KLF3: variants seen among roughly 807,000 people sequenced by gnomAD.
KLF3 encodes the protein Krueppel-like factor 3.
Under a neutral mutation model 32.7 loss-of-function variants are expected in KLF3, and 6 were observed. The ratio of observed to expected loss-of-function variants is 0.18; its 90% confidence interval spans 0.10 to 0.36. KLF3 has a LOEUF of 0.36. Among genes scored for constraint, KLF3 ranks in the 10% least tolerant of loss-of-function variants. KLF3 has a pLI of 1.00. For synonymous variants in KLF3, 145 were observed against 172.8 expected (o/e 0.84, Z 1.26); for missense variants, 338 against 449.7 (o/e 0.75, Z 2.25).
chr4:38,693,583 C>G (rs1240129637), intron 4 of KLF3, among the ~76,000 whole-genome samples: 2 of 151,516 alleles, frequency 1.3e-5, no homozygotes, highest in Non-Finnish European at 2.9e-5. Context: ...TCTTTTTTTC[C>G]TTTTCACACA....
At chr4:38,693,718 C>T (rs1347296150) in intron 4 of KLF3, among the ~76,000 whole-genome samples, 1 of 152,150 alleles carries the variant, frequency 6.6e-6, no homozygotes, top group Non-Finnish European at 1.5e-5. Flanking sequence ...ATGACATACA[C>T]TTGTGATATA....
At position 38,700,392 on chromosome 4, in the gene KLF3, T is replaced by C. The variant is rs751910731; in HGVS notation, c.*3129T>C. 1.3e-5 allele frequency: 2 copies of C among 152,236 alleles called. No individual in the cohort carries two copies. Among genetic ancestry groups the C allele is most frequent in the Non-Finnish European group, 2.9e-5 (2 of 68,028 alleles). The allele number at this position is 152,236 out of a possible 1,614,324, so 9.4% of individuals were successfully genotyped here. A position where few individuals can be genotyped will look rare whatever the true frequency, so the allele number is the denominator to read the frequency against. Reference sequence around the variant, plus strand: ...TGATTAGATTGTTGTAAAGACAATCTGAAAGATCTAAGGTTTTAAAATAAT... The same window carrying C: ...TGATTAGATTGTTGTAAAGACAATCCGAAAGATCTAAGGTTTTAAAATAAT... On this transcript the variant is annotated 3_prime_UTR_variant, in exon 6 of 6. Coordinates refer to ENST00000261438, the MANE Select transcript of KLF3 (RefSeq NM_016531.6).
At chr4:38,692,176 T>C (rs1339990131) in intron 4 of KLF3, among the ~76,000 whole-genome samples, 1 of 152,234 alleles carries the variant, frequency 6.6e-6, no homozygotes, top group Non-Finnish European at 1.5e-5. Context: ...AGGGGCTGTC[T>C]CAGCTCAAAA....
In KLF3 at chr4:38,701,016, T is replaced by C. The variant is rs946577966; in HGVS notation, c.*3753T>C. ...CAGTATGCAATATATATTATATACT[T>C]GTTAATAAAACCATCAGAATATTAA... On this transcript the variant is annotated 3_prime_UTR_variant, in exon 6 of 6. Coordinates refer to ENST00000261438, the MANE Select transcript of KLF3 (RefSeq NM_016531.6). 5 of 152,204 alleles carry C rather than the reference T, an allele frequency of 3.3e-5. No homozygotes were observed. Among genetic ancestry groups the C allele is most frequent in the Admixed American group, 2.6e-4 (4 of 15,280 alleles). The allele number at this position is 152,204 out of a possible 1,614,324, so 9.4% of individuals were successfully genotyped here.
Position 38,694,730 on chromosome 4 carries a change from A to T in KLF3, c.696-16A>T. On this transcript the variant is annotated splice_polypyrimidine_tract_variant and intron_variant, in intron 4 of 5. Transcript: ENST00000261438. ...GCGTGCTCTCAACATTTGGCCTGTA[A>T]CCTTGGCTTTCACAGGAATCACCCT... 1 of 1,545,786 alleles carries T rather than the reference A, an allele frequency of 6.5e-7. No individual in the cohort carries two copies. The highest frequency in any genetic ancestry group is 8.7e-7 in the Non-Finnish European group (1 of 1,154,894).
chr4:38,687,184 C>T (rs1722729104), intron 2 of KLF3, among the ~76,000 whole-genome samples: 1 of 152,210 alleles, frequency 6.6e-6, no homozygotes, highest in African/African-American at 2.4e-5. Flanking sequence ...GGAAGAGAAG[C>T]ACAATATGTT....
chr4:38,690,942 T>C (rs767662017), intron 4 of KLF3, among the ~76,000 whole-genome samples: 4 of 152,108 alleles, frequency 2.6e-5, no homozygotes, highest in Non-Finnish European at 4.4e-5. Context: ...CTGCACCCAA[T>C]CATAGTCATT....
intron 2 of KLF3, among the ~76,000 whole-genome samples, chr4:38,681,314 ATTAAG>A (rs1722519199): frequency 6.6e-6 from 1 of 152,206 alleles, no homozygotes; most frequent in African/African-American, 2.4e-5. Context: ...GTAAAAATAT[ATTAAG>A]AATAGGATGA....
rs575466778 is a variant in KLF3, at chr4:38,688,106, A to C, written c.58-479A>C. ...TTGAAGACACTACTTATCCTGAGAA[A>C]GAGCTGTCCTGCCGAAGTTAGACAT... On this transcript the variant is annotated intron_variant, in intron 2 of 5. Coordinates refer to ENST00000261438, the MANE Select transcript of KLF3 (RefSeq NM_016531.6). This position sits in a 1 kb window ranked among gnomAD's most constrained non-coding sequence, Gnocchi z 4.9. Among the ~76,000 whole-genome samples the C allele has an allele frequency of 6.6e-6, 1 of 152,366 alleles. No individual in the cohort carries two copies. Among genetic ancestry groups the C allele is most frequent in the East Asian group, 1.9e-4 (1 of 5,192 alleles).
Position 38,698,759 on chromosome 4 carries a change from A to G in KLF3, c.*1496A>G, listed in dbSNP as rs1723121360. 3.3e-5 allele frequency: 5 copies of G among 152,224 alleles called. No homozygotes were observed. The allele number at this position is 152,224 out of a possible 1,614,324, so 9.4% of individuals were successfully genotyped here. The stretch of plus-strand genomic sequence containing the variant: ...TGAGCACCATAGTCTAAATGCCAAT[A>G]AAAATAATTCATACATAGAAATGTC... On this transcript the variant is annotated 3_prime_UTR_variant, in exon 6 of 6. Coordinates refer to ENST00000261438, the MANE Select transcript of KLF3 (RefSeq NM_016531.6).
rs1456751882 is a variant in KLF3, at chr4:38,681,810, A to G, written c.57+1128A>G. Among the ~76,000 whole-genome samples the G allele has an allele frequency of 2.0e-5, 3 of 152,182 alleles. No homozygotes were observed. In the East Asian group the frequency reaches 5.8e-4, roughly 29 times the overall value. On this transcript the variant is annotated intron_variant, in intron 2 of 5. Coordinates refer to ENST00000261438, the MANE Select transcript of KLF3 (RefSeq NM_016531.6). ...GGTAATGACACGCTTGCAAAATTAGATCATCCTTGTGCATGGGCTCTGGAG... is the reference window on the plus strand; with the variant it reads ...GGTAATGACACGCTTGCAAAATTAGGTCATCCTTGTGCATGGGCTCTGGAG...
chr4:38,665,122 C>T (rs1411520086), intron 1 of KLF3, among the ~76,000 whole-genome samples: 2 of 152,046 alleles, frequency 1.3e-5, no homozygotes, highest in African/African-American at 2.4e-5. Context: ...GCATCCCATT[C>T]TCGGTTCTGG....
chr4:38,691,160 G>A (rs534308173), intron 4 of KLF3, among the ~76,000 whole-genome samples: 51 of 152,128 alleles, frequency 3.4e-4, no homozygotes, highest in Admixed American at 8.5e-4. Context: ...TGTGGGAGTC[G>A]GAGCAAAAGG....
At chr4:38,666,129 C>T (rs1722030602) in intron 1 of KLF3, among the ~76,000 whole-genome samples, 1 of 152,078 alleles carries the variant, frequency 6.6e-6, no homozygotes, top group Admixed American at 6.5e-5. Context: ...AGAAAAAAAC[C>T]TAATGTACTA....
At chr4:38,672,778 T>A (rs1722237318) in intron 1 of KLF3, among the ~76,000 whole-genome samples, 1 of 152,118 alleles carries the variant, frequency 6.6e-6, no homozygotes, top group Non-Finnish European at 1.5e-5. Flanking sequence ...GGGTGAGGGC[T>A]GGACTGGAGA....
intron 1 of KLF3, among the ~76,000 whole-genome samples, chr4:38,672,014 G>A (rs1398881837): frequency 1.3e-5 from 2 of 152,148 alleles, no homozygotes; most frequent in East Asian, 3.8e-4. Context: ...TCACTGAGTG[G>A]ATAATAATAA....
chr4:38,685,598 A>C (rs1722669927), intron 2 of KLF3, among the ~76,000 whole-genome samples: 1 of 152,222 alleles, frequency 6.6e-6, no homozygotes, highest in African/African-American at 2.4e-5. Flanking sequence ...CAGCAATGAC[A>C]GCAATAAAAC....
chr4:38,694,860 G>A lies in KLF3; in HGVS notation c.810G>A (p.Val270=), dbSNP rs766832315. ...GTGATTATGATGGATGCAACAAAGT[G>A]TACACTAAAAGCTCCCACTTGAAAG... is the stretch of plus-strand genomic sequence containing the variant. The part of the protein sequence containing the change: ...HRCDYDGCNK[V]YTKSSHLKAH... The change falls in exon 5 of 6, where the codon GTG becomes GTA. Residue 270 remains valine, a synonymous_variant. Coordinates refer to ENST00000261438, the MANE Select transcript of KLF3 (RefSeq NM_016531.6). The A allele has an allele frequency of 6.2e-7, 1 of 1,606,658 alleles. No homozygotes were observed. Among genetic ancestry groups the A allele is most frequent in the South Asian group, 1.1e-5 (1 of 89,554 alleles).
chr4:38,669,731 A>G (rs990176594), intron 1 of KLF3, among the ~76,000 whole-genome samples: 3 of 151,884 alleles, frequency 2.0e-5, no homozygotes, highest in Middle Eastern at 3.4e-3. Context: ...CATCTTTACT[A>G]AAAGTACAAA....
Sources: allele counts gnomAD v4.1 joint callset (sites outside exome capture counted in the v4.1 genomes callset), GRCh38; gene constraint gnomAD v4.1.1; non-coding constraint Gnocchi (gnomAD v3.1); transcripts MANE v1.5; gene names NCBI Gene and HGNC (gene_info 2026-07-23, HGNC 2026-07-21).